CLIC5: variants seen among roughly 807,000 people sequenced by gnomAD.
The protein encoded by CLIC5 is CLIC family member 5.
In CLIC5, 20 loss-of-function variants were observed where a neutral mutation model predicts 24.7. The ratio of observed to expected loss-of-function variants is 0.81; its 90% CI spans 0.57 to 1.18. The LOEUF (loss-of-function observed/expected upper bound fraction) is 1.18, where lower values mean the gene tolerates loss of function less well. CLIC5 is among the 50% of genes most tolerant of loss of function. The pLI is 0.00. For synonymous variants in CLIC5, 159 were observed against 135.6 expected (o/e 1.17, Z -1.20); for missense variants, 341 against 326.1 (o/e 1.05, Z -0.35).
At chr6:45,932,349 G>T (rs150957245) in intron 4 of CLIC5, among the ~76,000 whole-genome samples, 3,185 of 151,460 alleles carry the variant, frequency 0.021, 124 homozygotes, top group African/African-American at 0.073. Flanking sequence ...CCTCGTGATC[G>T]GCCTGCCTTG....
intron 5 of CLIC5, among the ~76,000 whole-genome samples, chr6:45,910,121 C>T (rs886074957): frequency 2.0e-5 from 3 of 152,116 alleles, no homozygotes; most frequent in Non-Finnish European, 4.4e-5. Flanking sequence ...ATCATGATTA[C>T]TGTTTCAGTA....
At chr6:46,050,683 A>G (rs934008644) in intron 1 of CLIC5, among the ~76,000 whole-genome samples, 1 of 152,206 alleles carries the variant, frequency 6.6e-6, no homozygotes, top group Admixed American at 6.5e-5. Context: ...CTTCTTTGCC[A>G]CAAAAGAATC....
chr6:46,128,295 A>G, the CLIC5 span, among the ~76,000 whole-genome samples: 1 of 152,212 alleles, frequency 6.6e-6, no homozygotes. Flanking sequence ...ATGCCCATCC[A>G]GCTGCTATCT....
At position 46,080,254 on chromosome 6, in the gene CLIC5, C is replaced by T. The variant is rs764823400; in HGVS notation, c.-12G>A. The T allele has an allele frequency of 1.9e-4, 286 of 1,545,760 alleles. 1 individual carries two copies. Among genetic ancestry groups the T allele is most frequent in the East Asian group, 3.4e-4 (14 of 40,902 alleles). ...TCTTCGTCATTCATGCTTATTGATC[C>T]GAGAGATCTGTTTACAGGGAGACCT... On this transcript the variant is annotated 5_prime_UTR_variant, in exon 1 of 6. Coordinates refer to the CLIC5 transcript ENST00000185206.
upstream of CLIC5, chr6:46,015,869 C>A (rs913083793): frequency 3.7e-6 from 4 of 1,068,030 alleles, 1 homozygote; most frequent in South Asian, 1.4e-4. Context: ...GCGATCCCGC[C>A]GCCGCCAACG....
intron 1 of CLIC5, among the ~76,000 whole-genome samples, chr6:45,963,520 C>T (rs1409660339): frequency 6.6e-6 from 1 of 152,156 alleles, no homozygotes; most frequent in Non-Finnish European, 1.5e-5. Flanking sequence ...GGCATTTGCC[C>T]TCTCAGCTCA....
intron 2 of CLIC5, among the ~76,000 whole-genome samples, chr6:45,953,326 G>A (rs529638687): frequency 1.3e-5 from 2 of 152,216 alleles, no homozygotes; most frequent in African/African-American, 2.4e-5. Flanking sequence ...CACGACACAA[G>A]GCAACATAGA....
upstream of CLIC5, chr6:46,018,966 G>A (rs1030684153): frequency 3.4e-4 from 51 of 152,112 alleles, no homozygotes; most frequent in African/African-American, 1.2e-3. Flanking sequence ...TTATACAGTT[G>A]TAAGGTTTAT....
intron 1 of CLIC5, among the ~76,000 whole-genome samples, chr6:45,961,927 C>G (rs1764855955): frequency 6.6e-6 from 1 of 151,996 alleles, no homozygotes. Flanking sequence ...TTAATTAGCT[C>G]TATGTAGACC....
At chr6:45,990,721 T>C (rs1765906827) in intron 1 of CLIC5, among the ~76,000 whole-genome samples, 1 of 152,216 alleles carries the variant, frequency 6.6e-6, no homozygotes, top group Non-Finnish European at 1.5e-5. Flanking sequence ...ACAAAGTTGG[T>C]GAGCATCCAG....
the CLIC5 span, among the ~76,000 whole-genome samples, chr6:46,096,807 C>T: frequency 2.6e-5 from 4 of 152,270 alleles, no homozygotes; most frequent in Non-Finnish European, 4.4e-5. Context: ...AATGAAACAA[C>T]CAGACTCAAG....
intron 1 of CLIC5, among the ~76,000 whole-genome samples, chr6:46,076,257 C>T (rs954123838): frequency 1.3e-5 from 2 of 152,222 alleles, no homozygotes; most frequent in African/African-American, 4.8e-5. Context: ...CCACTGCAGC[C>T]ACACTACTGC....
At chr6:46,122,531 A>G in the CLIC5 span, among the ~76,000 whole-genome samples, 1 of 152,206 alleles carries the variant, frequency 6.6e-6, no homozygotes, top group South Asian at 2.1e-4. Context: ...CTAGAGAAGA[A>G]AGAGCAGACA....
chr6:45,993,574 G>A (rs1766018503), intron 1 of CLIC5, among the ~76,000 whole-genome samples: 1 of 142,146 alleles, frequency 7.0e-6, no homozygotes, highest in Non-Finnish European at 1.5e-5. Flanking sequence ...ACAGGACATG[G>A]GAGAGAAAAC....
chr6:46,046,092 T>C (rs2127462753), intron 1 of CLIC5, among the ~76,000 whole-genome samples: 1 of 152,298 alleles, frequency 6.6e-6, no homozygotes, highest in African/African-American at 2.4e-5. Flanking sequence ...CAGTAGGACT[T>C]TGGTGAAACA....
chr6:45,909,260 G>C (rs1762748356), intron 5 of CLIC5, among the ~76,000 whole-genome samples: 1 of 152,062 alleles, frequency 6.6e-6, no homozygotes, highest in Non-Finnish European at 1.5e-5. Context: ...TTTCAAGTGG[G>C]GCACTTAGAT....
the CLIC5 span, among the ~76,000 whole-genome samples, chr6:46,108,362 G>A: frequency 9.1e-5 from 13 of 143,184 alleles, no homozygotes; most frequent in East Asian, 4.1e-4. Context: ...CCTCTTTATC[G>A]GGTCTTTGTG....
intron 1 of CLIC5, among the ~76,000 whole-genome samples, chr6:46,041,786 A>G (rs558847213): frequency 3.5e-4 from 54 of 152,340 alleles, no homozygotes; most frequent in African/African-American, 1.3e-3. Flanking sequence ...AACAATAGCA[A>G]CTAACTTGTT....
intron 1 of CLIC5, among the ~76,000 whole-genome samples, chr6:45,982,744 T>C (rs1360147222): frequency 6.6e-6 from 1 of 152,242 alleles, no homozygotes; most frequent in Non-Finnish European, 1.5e-5. Flanking sequence ...ATTTTACACA[T>C]GGAGATAAAG....
Sources: allele counts gnomAD v4.1 joint callset (sites outside exome capture counted in the v4.1 genomes callset), GRCh38; gene constraint gnomAD v4.1.1; transcripts MANE v1.5; gene names NCBI Gene and HGNC (gene_info 2026-07-23, HGNC 2026-07-21).